Variants in MMRN1 observed in about 807,000 individuals in gnomAD.
The protein encoded by MMRN1 is multimerin-1.
In MMRN1, 94 loss-of-function variants were observed where a neutral mutation model predicts 100.7. The ratio of observed to expected loss-of-function variants is 0.93; its 90% confidence interval spans 0.79 to 1.11. The LOEUF is 1.11. Ranked by LOEUF, MMRN1 falls within the 50% of genes least tolerant of loss-of-function variation. The pLI is 0.00. For synonymous variants in MMRN1, 575 were observed against 505.0 expected (o/e 1.14, Z -1.86); for missense variants, 1,606 against 1,439.1 (o/e 1.12, Z -1.88).
In MMRN1 at chr4:89,936,005, T is replaced by C. The variant is rs1230733346; in HGVS notation, c.2325T>C (p.Phe775=). 6.2e-7 allele frequency: 1 copy of C among 1,613,332 alleles called. No homozygotes were observed. The highest frequency in any genetic ancestry group is 1.7e-5 in the Admixed American group (1 of 59,944). ...CCGATATGGAAACTATTTTGACATT[T>C]ATTCCTCAGTTCCACCGTCTGAATG... ...CTSDMETILT[F]IPQFHRLNDS... is the part of the protein sequence containing the mutation. The change falls in exon 6 of 8, where the codon TTT becomes TTC. Residue 775 remains phenylalanine (F), a synonymous_variant. Coordinates refer to ENST00000264790, the MANE Select transcript of MMRN1 (RefSeq NM_007351.3).
intron 6 of MMRN1, among the ~76,000 whole-genome samples, chr4:89,949,698 G>A (rs1175942340): frequency 6.6e-6 from 1 of 152,162 alleles, no homozygotes; most frequent in African/African-American, 2.4e-5. Context: ...ATAGAATATT[G>A]CAGAGAATAT....
Position 89,936,732 on chromosome 4 carries a change from A to G in MMRN1, c.3052A>G (p.Thr1018Ala), listed in dbSNP as rs879075870. 1.2e-6 allele frequency: 2 copies of G among 1,613,164 alleles called. No homozygotes were observed. The highest frequency in any genetic ancestry group is 1.1e-5 in the South Asian group (1 of 90,976). ...GAAAATTAACGCACTTAAGAAACCA[A>G]CGGTAAATCTTACCACAGTCCTGAT... Reference protein sequence around the residue: ...PKKINALKKPTVNLTTVLIGR... With the variant: ...PKKINALKKPAVNLTTVLIGR... The change falls in exon 6 of 8, where the codon ACG becomes GCG. Residue 1018 changes from threonine to alanine, a missense_variant. By Grantham distance (58) the Thr-to-Ala change is moderately conservative (BLOSUM62 0). Coordinates refer to ENST00000264790, the MANE Select transcript of MMRN1 (RefSeq NM_007351.3).
intron 1 of MMRN1, among the ~76,000 whole-genome samples, chr4:89,905,820 C>G (rs1421261511): frequency 6.6e-6 from 1 of 151,472 alleles, no homozygotes; most frequent in Non-Finnish European, 1.5e-5. Flanking sequence ...TATTGTCTTA[C>G]CTTGACTTCT....
intron 2 of MMRN1, 42 bp downstream of exon 2, chr4:89,909,437 TAATAA>T: frequency 6.3e-7 from 1 of 1,598,276 alleles, no homozygotes; most frequent in Non-Finnish European, 8.6e-7. Context: ...TTTTGCACCA[TAATAA>T]ATTATAGCCG....
At chr4:89,889,500 G>T (rs980720240) in intron 1 of MMRN1, among the ~76,000 whole-genome samples, 1 of 152,088 alleles carries the variant, frequency 6.6e-6, no homozygotes, top group Non-Finnish European at 1.5e-5. Context: ...TTCCCTGCCA[G>T]CCCACAGAAT....
chr4:89,896,495 T>C (rs1721211011), intron 1 of MMRN1, among the ~76,000 whole-genome samples: 1 of 152,154 alleles, frequency 6.6e-6, no homozygotes. Context: ...ATTTTATTCA[T>C]TTAATGCTCA....
At chr4:89,892,251 G>A (rs1042727074), upstream of MMRN1, among the ~76,000 whole-genome samples, 1 of 151,456 alleles carries the variant, frequency 6.6e-6, no homozygotes, top group Non-Finnish European at 1.5e-5. Flanking sequence ...TGAACAAATG[G>A]CAAGATGGTA....
chr4:89,945,975 A>G (rs1357972417), intron 6 of MMRN1, among the ~76,000 whole-genome samples: 3 of 152,238 alleles, frequency 2.0e-5, no homozygotes, highest in Non-Finnish European at 4.4e-5. Flanking sequence ...ACACAATGTT[A>G]GTAATTAGAG....
intron 6 of MMRN1, among the ~76,000 whole-genome samples, chr4:89,945,370 A>G (rs1411767194): frequency 6.6e-6 from 1 of 152,164 alleles, no homozygotes; most frequent in Admixed American, 6.5e-5. Context: ...ATACAGCAGT[A>G]GCATAGTTTG....
chr4:89,936,766 C>A lies in MMRN1; in HGVS notation c.3086C>A (p.Thr1029Asn). The change falls in exon 6 of 8, where the codon ACT becomes AAT. Residue 1029 changes from threonine to asparagine, a missense_variant. Transcript: ENST00000264790. ...VNLTTVLIGR[T>N]QRNTDNIIYP... is the part of the protein sequence containing the mutation. ...CTTACCACAGTCCTGATAGGCCGGA[C>A]TCAAAGAAACACGGACAACATAATA... 3 of 1,603,024 alleles carry A rather than the reference C, an allele frequency of 1.9e-6. No individual in the cohort carries two copies. The highest frequency in any genetic ancestry group is 2.5e-6 in the Non-Finnish European group (3 of 1,176,626).
upstream of MMRN1, chr4:89,894,755 A>G (rs1159191979): frequency 6.2e-6 from 4 of 647,892 alleles, no homozygotes; most frequent in Non-Finnish European, 9.5e-6. Context: ...ACTTCCATAG[A>G]GCCATCCCAC....
Position 89,894,915 on chromosome 4 carries a change from G to T in MMRN1, c.-57G>T. ...CAGTGTGGAAGCAGCTATCAAAAAG[G>T]CCATAAGGATTTTGTCCCCAAATTT... On this transcript the variant is annotated 5_prime_UTR_variant, in exon 1 of 8. Transcript: ENST00000264790. 1 of 1,552,322 alleles carries T rather than the reference G, an allele frequency of 6.4e-7. No individual in the cohort carries two copies. Among genetic ancestry groups the T allele is most frequent in the Non-Finnish European group, 8.7e-7 (1 of 1,151,624 alleles).
Position 89,927,724 on chromosome 4 carries a change from C to T in MMRN1, c.956-71C>T, listed in dbSNP as rs1722305069. On this transcript the variant is annotated intron_variant, in intron 4 of 7. Coordinates refer to ENST00000264790, the MANE Select transcript of MMRN1 (RefSeq NM_007351.3). The stretch of plus-strand genomic sequence containing the variant: ...AGAAGAAAGGGTTTTAGTTTTTCTC[C>T]ATTCAGTATGATACCAACTATGGGT... 2.2e-6 allele frequency: 3 copies of T among 1,372,394 alleles called. No homozygotes were observed. The Admixed American group carries it at 7.3e-5, about 33-fold the overall frequency. 85.0% of individuals were successfully genotyped at this position (1,372,394 alleles called of 1,614,324 possible).
rs1247870002 is a variant in MMRN1, at chr4:89,934,680, G to A, written c.1130-130G>A. 6.4e-6 allele frequency: 3 copies of A among 472,156 alleles called. No individual in the cohort carries two copies. The East Asian group carries it at 1.1e-4, about 17-fold the overall frequency. 29.2% of individuals were successfully genotyped at this position (472,156 alleles called of 1,614,324 possible). ...TATAGTAATTTTTAAAATTCTATAA[G>A]TAAATGTAGTTAAGAGGTATTTTTA... On this transcript the variant is annotated intron_variant, in intron 5 of 7. Transcript: ENST00000264790.
At chr4:89,883,423 T>C (rs1229245776) in intron 1 of MMRN1, among the ~76,000 whole-genome samples, 2 of 152,088 alleles carry the variant, frequency 1.3e-5, no homozygotes, top group African/African-American at 2.4e-5. Context: ...TTTTAAATTT[T>C]AGGTCTCTTA....
chr4:89,915,872 A>G (rs1343183530), intron 3 of MMRN1, among the ~76,000 whole-genome samples: 1 of 151,742 alleles, frequency 6.6e-6, no homozygotes, highest in Non-Finnish European at 1.5e-5. Context: ...AGGGAACAAG[A>G]AAAAGAAACT....
intron 1 of MMRN1, among the ~76,000 whole-genome samples, chr4:89,903,783 C>T (rs1721464776): frequency 6.6e-6 from 1 of 151,478 alleles, no homozygotes; most frequent in Non-Finnish European, 1.5e-5. Flanking sequence ...TAGCCTGGCT[C>T]CAGCGACGAA....
chr4:89,910,651 C>T (rs1199366297), intron 2 of MMRN1, among the ~76,000 whole-genome samples: 1 of 151,412 alleles, frequency 6.6e-6, no homozygotes, highest in Non-Finnish European at 1.5e-5. Context: ...TTCCAAATTG[C>T]TTTGCTTCCT....
rs187001133 is a variant in MMRN1 at position 89,932,719 on chromosome 4, A to G, written c.1130-2091A>G. On this transcript the variant is annotated intron_variant, in intron 5 of 7. Transcript: ENST00000264790. ...TTGGTCCCTTTTAGCCATGGTTGGG[A>G]CACAGAGCACCAAGCCTTGAAACAG... Among the ~76,000 whole-genome samples, 558 of 152,272 alleles carry G rather than the reference A, an allele frequency of 3.7e-3. 1 individual carries two copies. Among genetic ancestry groups the G allele is most frequent in the African/African-American group, 0.013 (544 of 41,564 alleles).
Sources: allele counts gnomAD v4.1 joint callset (sites outside exome capture counted in the v4.1 genomes callset), GRCh38; gene constraint gnomAD v4.1.1; transcripts MANE v1.5; gene names NCBI Gene and HGNC (gene_info 2026-07-23, HGNC 2026-07-21).